Variants in PCSK6 observed in about 807,000 individuals in gnomAD.
PCSK6 encodes paired basic amino acid cleaving enzyme 4.
Under a neutral mutation model 123.3 loss-of-function variants are expected in PCSK6, and 85 were observed. The observed-to-expected ratio is 0.69, with a 90% CI of 0.58 to 0.83. PCSK6 has a LOEUF of 0.83. PCSK6 is among the 40% of genes least tolerant of loss of function. The pLI is 0.00. For missense variants in PCSK6, 1,191 were observed against 1,282.3 expected, an observed-to-expected ratio of 0.93 and a Z score of 1.09; for synonymous variants, 508 against 516.0, an observed-to-expected ratio of 0.98 and a Z score of 0.21.
intron 12 of PCSK6, among the ~76,000 whole-genome samples, chr15:101,368,482 C>T (rs2041467641): frequency 6.6e-6 from 1 of 152,236 alleles, no homozygotes; most frequent in Non-Finnish European, 1.5e-5. Flanking sequence ...AAGGGACTGG[C>T]TCCTGGGAGC....
At chr15:101,431,842 C>G (rs2141120126) in intron 3 of PCSK6, 148 bp downstream of exon 3, 1 of 684,784 alleles carries the variant, frequency 1.5e-6, no homozygotes, top group African/African-American at 1.8e-5. Flanking sequence ...TACTGCACAG[C>G]CTTGCGGTAG....
In PCSK6 at chr15:101,398,870, T is replaced by A. The variant is rs2042501000; in HGVS notation, c.824-294A>T. Among the ~76,000 whole-genome samples the A allele has an allele frequency of 1.3e-5, 2 of 150,940 alleles. No individual in the cohort carries two copies. Among genetic ancestry groups the A allele is most frequent in the Admixed American group, 1.3e-4 (2 of 15,158 alleles). Reference sequence around the variant, plus strand: ...AAATGCATATTTCTGTTTTTTATTTTAAAAAACAAGACCTATTATTATTAT... The same window carrying A: ...AAATGCATATTTCTGTTTTTTATTTAAAAAAACAAGACCTATTATTATTAT... On this transcript the variant is annotated intron_variant, in intron 6 of 21. Coordinates refer to ENST00000611716, the MANE Select transcript of PCSK6 (RefSeq NM_002570.5). This position sits in a 1 kb window ranked among gnomAD's most constrained non-coding sequence, Gnocchi z 4.6.
intron 7 of PCSK6, among the ~76,000 whole-genome samples, chr15:101,396,776 G>A (rs375084029): frequency 3.9e-5 from 6 of 152,172 alleles, no homozygotes; most frequent in African/African-American, 1.4e-4. Context: ...TGGAGATAAA[G>A]GAAGCTGTCC....
intron 13 of PCSK6, among the ~76,000 whole-genome samples, chr15:101,350,308 T>C (rs2040857003): frequency 6.6e-6 from 1 of 152,230 alleles, no homozygotes; most frequent in East Asian, 1.9e-4. Context: ...TTTTGGCCTA[T>C]TTAGTGATAT....
intron 13 of PCSK6, among the ~76,000 whole-genome samples, chr15:101,363,980 A>G (rs1278399176): frequency 6.6e-6 from 1 of 152,182 alleles, no homozygotes; most frequent in Non-Finnish European, 1.5e-5. Context: ...AAAACCAGAA[A>G]GAATACAACT....
At chr15:101,362,489 C>T (rs1596234049) in intron 13 of PCSK6, among the ~76,000 whole-genome samples, 1 of 152,100 alleles carries the variant, frequency 6.6e-6, no homozygotes, top group Admixed American at 6.6e-5. Context: ...GCAGAGGACC[C>T]AGGAGTGCGT....
intron 13 of PCSK6, among the ~76,000 whole-genome samples, chr15:101,350,708 G>C (rs10152471): frequency 6.6e-6 from 1 of 151,942 alleles, no homozygotes; most frequent in Non-Finnish European, 1.5e-5. Context: ...GCTGGCCCCC[G>C]CAAGCATAAA....
chr15:101,395,805 C>T (rs995800012), intron 7 of PCSK6, among the ~76,000 whole-genome samples: 53 of 152,206 alleles, frequency 3.5e-4, no homozygotes, highest in African/African-American at 1.1e-3. Context: ...CAGCAAACAC[C>T]GGCCACCTGG....
intron 2 of PCSK6, among the ~76,000 whole-genome samples, chr15:101,432,304 A>G (rs1361143751): frequency 6.6e-6 from 1 of 152,126 alleles, no homozygotes; most frequent in Non-Finnish European, 1.5e-5. Context: ...AGAGGAAGAA[A>G]TAACACCACT....
At position 101,305,306 on chromosome 15, in the gene PCSK6, C is replaced by A; in HGVS notation, c.2862G>T (p.Arg954=). The change falls in exon 22 of 22, where the codon CGG becomes CGT. Residue 954 remains arginine, a synonymous_variant. Transcript: ENST00000611716. The surrounding 1 kb of genome is among the most constrained non-coding windows in gnomAD (Gnocchi z 4.8). The stretch of plus-strand genomic sequence containing the variant: ...GGCAGCAGAACTGAATGAAGAGCTT[C>A]CGTTCGCACAGCCGGTTGGACTTCA... ...EMVKSNRLCE[R]KLFIQFCCRT... 6.2e-7 allele frequency: 1 copy of A among 1,612,874 alleles called. No individual in the cohort carries two copies. Among genetic ancestry groups the A allele is most frequent in the Non-Finnish European group, 8.5e-7 (1 of 1,179,810 alleles).
rs142822095 is a variant in PCSK6 at position 101,427,367 on chromosome 15, C to A, written c.823+525G>T. ...GAGCCAAGTGGAAAGACGGGGGAGG[C>A]GGGGATGGGAATGGTTCAAGCCCAG... On this transcript the variant is annotated intron_variant, in intron 6 of 21. Transcript: ENST00000611716. Among the ~76,000 whole-genome samples, 785 of 152,034 alleles carry A rather than the reference C, an allele frequency of 5.2e-3. 7 individuals carry two copies. The highest frequency in any genetic ancestry group is 0.017 in the African/African-American group (719 of 41,476).
intron 8 of PCSK6, among the ~76,000 whole-genome samples, chr15:101,391,606 G>A (rs2141545582): frequency 6.6e-6 from 1 of 152,338 alleles, no homozygotes; most frequent in Non-Finnish European, 1.5e-5. Flanking sequence ...CCTCGCTCCA[G>A]GTGGACACAC....
chr15:101,363,102 T>C (rs997514161), intron 13 of PCSK6, among the ~76,000 whole-genome samples: 1 of 152,008 alleles, frequency 6.6e-6, no homozygotes, highest in African/African-American at 2.4e-5. Context: ...CTGGAGGGGA[T>C]GTGGACTCAG....
intron 1 of PCSK6, among the ~76,000 whole-genome samples, chr15:101,484,068 G>A (rs4965883): frequency 0.15 from 22,752 of 152,040 alleles, 2,015 homozygotes; most frequent in Middle Eastern, 0.24. Flanking sequence ...TATTATACGT[G>A]TGTATATATA....
In PCSK6 at chr15:101,477,122, C is replaced by T. The variant is rs116355923; in HGVS notation, c.297+12252G>A. Reference sequence around the variant, plus strand: ...AATGACACAAATGATGGGCCAGCTACGCCAAGGTACACTGAGCAGCCATTA... The same window carrying T: ...AATGACACAAATGATGGGCCAGCTATGCCAAGGTACACTGAGCAGCCATTA... On this transcript the variant is annotated intron_variant, in intron 1 of 21. Coordinates refer to ENST00000611716, the MANE Select transcript of PCSK6 (RefSeq NM_002570.5). 3.3e-3 allele frequency among the ~76,000 whole-genome samples: 502 copies of T among 152,312 alleles called. 4 individuals carry two copies. The highest frequency in any genetic ancestry group is 0.011 in the African/African-American group (470 of 41,574).
At position 101,316,768 on chromosome 15, in the gene PCSK6, C is replaced by T. The variant is rs564045406; in HGVS notation, c.2569+1551G>A. ...TGGCCTTGGCCACAGCCTTGTTCAT[C>T]AGGCCTGTCTATTCCAGGACATACG... On this transcript the variant is annotated intron_variant, in intron 19 of 21. Coordinates refer to ENST00000611716, the MANE Select transcript of PCSK6 (RefSeq NM_002570.5). Among the ~76,000 whole-genome samples, 23 of 152,314 alleles carry T rather than the reference C, an allele frequency of 1.5e-4. No individual in the cohort carries two copies. The South Asian group carries it at 4.8e-3, about 32-fold the overall frequency.
intron 7 of PCSK6, among the ~76,000 whole-genome samples, chr15:101,397,430 C>A (rs568786370): frequency 6.6e-6 from 1 of 152,100 alleles, no homozygotes. Context: ...GGTTATAATA[C>A]GATGAGAACT....
chr15:101,372,582 A>C (rs4965835), intron 11 of PCSK6, among the ~76,000 whole-genome samples: 1 of 152,032 alleles, frequency 6.6e-6, no homozygotes, highest in African/African-American at 2.4e-5. Context: ...GAGTTCCAGG[A>C]CCTGCAGGGC....
intron 1 of PCSK6, among the ~76,000 whole-genome samples, chr15:101,453,548 G>A (rs1479870906): frequency 6.6e-6 from 1 of 152,200 alleles, no homozygotes; most frequent in Non-Finnish European, 1.5e-5. Flanking sequence ...GAGATCTCCT[G>A]AACTCTTCCA....
Sources: allele counts gnomAD v4.1 joint callset (sites outside exome capture counted in the v4.1 genomes callset), GRCh38; gene constraint gnomAD v4.1.1; non-coding constraint Gnocchi (gnomAD v3.1); transcripts MANE v1.5; gene names NCBI Gene and HGNC (gene_info 2026-07-23, HGNC 2026-07-21).